Variants in PRR16 observed in about 807,000 individuals in gnomAD.
PRR16 encodes the protein protein Largen.
In PRR16, 6 loss-of-function variants were observed where a neutral mutation model predicts 18.2. The observed-to-expected ratio is 0.33, with a 90% CI of 0.18 to 0.65. The LOEUF (loss-of-function observed/expected upper bound fraction) is 0.65, where lower values mean the gene tolerates loss of function less well. PRR16 is among the 30% of genes least tolerant of loss of function. The probability of loss-of-function intolerance (pLI) is 0.74; values close to 1 mark genes in which losing one functional copy is unlikely to be tolerated. For missense variants in PRR16, 412 were observed against 376.6 expected, an observed-to-expected ratio of 1.09 and a Z score of -0.78; for synonymous variants, 151 against 147.8, an observed-to-expected ratio of 1.02 and a Z score of -0.16.
intron 1 of PRR16, among the ~76,000 whole-genome samples, chr5:120,602,250 T>C (rs1460360515): frequency 6.6e-6 from 1 of 151,906 alleles, no homozygotes; most frequent in Non-Finnish European, 1.5e-5. Flanking sequence ...ACTAGTGTTG[T>C]GCAATTCTTG....
At chr5:120,744,029 T>G in the PRR16 span, among the ~76,000 whole-genome samples, 1 of 152,052 alleles carries the variant, frequency 6.6e-6, no homozygotes, top group Non-Finnish European at 1.5e-5. Flanking sequence ...AACTTTATCT[T>G]CAAGAGACTG....
intron 1 of PRR16, among the ~76,000 whole-genome samples, chr5:120,593,546 G>T (rs190808923): frequency 1.3e-5 from 2 of 151,874 alleles, no homozygotes; most frequent in Admixed American, 1.3e-4. Flanking sequence ...GAACCAGTTG[G>T]ATTCACACCT....
chr5:120,548,912 A>G (rs957311098), intron 1 of PRR16, among the ~76,000 whole-genome samples: 3 of 146,008 alleles, frequency 2.1e-5, no homozygotes, highest in Non-Finnish European at 3.0e-5. Context: ...AGTGCTGAAA[A>G]CATTGAGACA....
downstream of PRR16, among the ~76,000 whole-genome samples, chr5:120,691,423 T>G (rs994149575): frequency 6.6e-6 from 1 of 152,218 alleles, no homozygotes; most frequent in Non-Finnish European, 1.5e-5. Context: ...GAAAGCTTCA[T>G]TTTCTCATGT....
At chr5:120,570,057 T>G (rs1752858063) in intron 1 of PRR16, among the ~76,000 whole-genome samples, 1 of 152,174 alleles carries the variant, frequency 6.6e-6, no homozygotes, top group Non-Finnish European at 1.5e-5. Context: ...TTCTTGACAC[T>G]GTGTCCCCAG....
chr5:120,557,876 A>T (rs1752464892), intron 1 of PRR16, among the ~76,000 whole-genome samples: 1 of 151,856 alleles, frequency 6.6e-6, no homozygotes, highest in Admixed American at 6.6e-5. Flanking sequence ...GGAACCTCAT[A>T]ATGTTTAGAA....
intron 1 of PRR16, among the ~76,000 whole-genome samples, chr5:120,564,311 A>T (rs1293245183): frequency 6.6e-6 from 1 of 152,006 alleles, no homozygotes; most frequent in African/African-American, 2.4e-5. Flanking sequence ...GCCCAGCCCA[A>T]CACTAGACTT....
chr5:120,716,984 A>G, the PRR16 span, among the ~76,000 whole-genome samples: 1 of 152,206 alleles, frequency 6.6e-6, no homozygotes, highest in Non-Finnish European at 1.5e-5. Flanking sequence ...TATACCAGGC[A>G]ATGTGCTGGT....
At chr5:120,529,733 G>A (rs1281716056) in intron 1 of PRR16, among the ~76,000 whole-genome samples, 1 of 152,098 alleles carries the variant, frequency 6.6e-6, no homozygotes, top group Non-Finnish European at 1.5e-5. Flanking sequence ...CTTTAGTAGT[G>A]ACTGTGAGTC....
intron 1 of PRR16, among the ~76,000 whole-genome samples, chr5:120,594,185 C>A (rs1753729411): frequency 6.6e-6 from 1 of 151,966 alleles, no homozygotes; most frequent in South Asian, 2.1e-4. Context: ...TAAAAGTCAA[C>A]CAAATAGGAA....
chr5:120,661,349 G>A (rs1262363487), intron 1 of PRR16, among the ~76,000 whole-genome samples: 1 of 152,008 alleles, frequency 6.6e-6, no homozygotes, highest in African/African-American at 2.4e-5. Context: ...TTTCTCCCTT[G>A]TGCTTGAATT....
the PRR16 span, among the ~76,000 whole-genome samples, chr5:120,735,616 T>G: frequency 1.3e-5 from 2 of 152,168 alleles, no homozygotes; most frequent in African/African-American, 4.8e-5. Flanking sequence ...TGCATATCTT[T>G]GGAGAAATGA....
the PRR16 span, chr5:120,790,600 T>G: frequency 1.3e-5 from 2 of 152,234 alleles, no homozygotes; most frequent in Admixed American, 1.3e-4. Flanking sequence ...TGTTGTCAAT[T>G]GCTTGAAAAA....
chr5:120,761,959 C>G, the PRR16 span, among the ~76,000 whole-genome samples: 1 of 152,000 alleles, frequency 6.6e-6, no homozygotes, highest in African/African-American at 2.4e-5. Context: ...CATATATGAG[C>G]GAAAATATGC....
At chr5:120,716,829 A>C in the PRR16 span, among the ~76,000 whole-genome samples, 1 of 152,120 alleles carries the variant, frequency 6.6e-6, no homozygotes, top group Non-Finnish European at 1.5e-5. Context: ...CTGAGATTGC[A>C]TCACTGCACT....
At chr5:120,668,766 A>G (rs1478014981) in intron 1 of PRR16, among the ~76,000 whole-genome samples, 2 of 152,134 alleles carry the variant, frequency 1.3e-5, no homozygotes, top group South Asian at 2.1e-4. Context: ...TTTCTTTAAG[A>G]ATGTTGAATA....
At chr5:120,531,987 C>T (rs1751565561) in intron 1 of PRR16, among the ~76,000 whole-genome samples, 1 of 152,114 alleles carries the variant, frequency 6.6e-6, no homozygotes, top group Non-Finnish European at 1.5e-5. Flanking sequence ...TATAAAGAAG[C>T]TCCATTAGAA....
chr5:120,614,398 G>A (rs969537502), intron 1 of PRR16, among the ~76,000 whole-genome samples: 2 of 152,158 alleles, frequency 1.3e-5, no homozygotes, highest in African/African-American at 2.4e-5. Context: ...ACGAATTCAG[G>A]TTTGGTACAC....
intron 1 of PRR16, among the ~76,000 whole-genome samples, chr5:120,652,149 T>A (rs1000076407): frequency 1.3e-5 from 2 of 152,130 alleles, no homozygotes; most frequent in African/African-American, 4.8e-5. Context: ...TCTATGGATG[T>A]ACATTAATAT....
Sources: allele counts gnomAD v4.1 joint callset (sites outside exome capture counted in the v4.1 genomes callset), GRCh38; gene constraint gnomAD v4.1.1; transcripts MANE v1.5; gene names NCBI Gene and HGNC (gene_info 2026-07-23, HGNC 2026-07-21).